Variants in JKAMP observed in about 807,000 individuals in gnomAD.
The protein encoded by JKAMP is JNK1/MAPK8 associated membrane protein.
JKAMP carries 20 observed loss-of-function variants against 40.2 expected under a neutral mutation model. The ratio of observed to expected loss-of-function variants is 0.50; its 90% CI spans 0.35 to 0.72. The LOEUF is 0.72. Among genes scored for constraint, JKAMP ranks in the 30% least tolerant of loss-of-function variants. JKAMP has a pLI of 0.01. For synonymous variants in JKAMP, 138 were observed against 131.6 expected (o/e 1.05, Z -0.33); for missense variants, 276 against 373.0 (o/e 0.74, Z 2.14).
chr14:59,495,012 C>G lies in JKAMP; in HGVS notation c.252-6C>G, dbSNP rs1891334316. The G allele has an allele frequency of 6.2e-7, 1 of 1,609,542 alleles. No individual in the cohort carries two copies. The highest frequency in any genetic ancestry group is 8.5e-7 in the Non-Finnish European group (1 of 1,176,244). Reference sequence around the variant, plus strand: ...TCTAGTAATCATGCCTCTTTTCCTTCTCTAGTTCCAGCGCACTTTTCCAAC... The same window carrying G: ...TCTAGTAATCATGCCTCTTTTCCTTGTCTAGTTCCAGCGCACTTTTCCAAC... On this transcript the variant is annotated splice_region_variant and splice_polypyrimidine_tract_variant and intron_variant, in intron 3 of 6. Coordinates refer to ENST00000616435, the MANE Select transcript of JKAMP (RefSeq NM_016475.5).
intron 3 of JKAMP, among the ~76,000 whole-genome samples, chr14:59,490,301 G>C (rs1435985096): frequency 6.6e-6 from 1 of 152,174 alleles, no homozygotes; most frequent in Admixed American, 6.5e-5. Flanking sequence ...ACAGCTCCAA[G>C]TCATTCATGA....
Position 59,505,242 on chromosome 14 carries a change from C to A in JKAMP, c.*1170C>A. 1 of 1,474,074 alleles carries A rather than the reference C, an allele frequency of 6.8e-7. No individual in the cohort carries two copies. The highest frequency in any genetic ancestry group is 9.1e-7 in the Non-Finnish European group (1 of 1,100,506). 91.3% of individuals were successfully genotyped at this position (1,474,074 alleles called of 1,614,324 possible). A position where few individuals can be genotyped will look rare whatever the true frequency, so the allele number is the denominator to read the frequency against. ...TCACAGCAGTTGTATCCTTGAGTTA[C>A]TTTGTTAATGTATTTTTCTCAGTAC... On this transcript the variant is annotated 3_prime_UTR_variant, in exon 7 of 7. Coordinates refer to ENST00000616435, the MANE Select transcript of JKAMP (RefSeq NM_016475.5).
In JKAMP at chr14:59,492,861, G is replaced by A. The variant is rs535166670; in HGVS notation, c.252-2157G>A. ...TGCCCAGGCTGGAGTGCGGTGGTGC[G>A]ACCTCGGCTCACTGCAAGCTTCGCC... On this transcript the variant is annotated intron_variant, in intron 3 of 6. Coordinates refer to ENST00000616435, the MANE Select transcript of JKAMP (RefSeq NM_016475.5). Among the ~76,000 whole-genome samples, 27 of 148,340 alleles carry A rather than the reference G, an allele frequency of 1.8e-4. 1 individual carries two copies. The East Asian group carries it at 2.2e-3, about 12-fold the overall frequency.
chr14:59,501,578 G>C (rs1474944), intron 6 of JKAMP, among the ~76,000 whole-genome samples: 2,383 of 152,174 alleles, frequency 0.016, 65 homozygotes, highest in African/African-American at 0.054. Flanking sequence ...CTTATTAACA[G>C]TATTTTGAGA....
chr14:59,485,056 C>T, intron 1 of JKAMP: 1 of 1,598,360 alleles, frequency 6.3e-7, no homozygotes, highest in Non-Finnish European at 8.5e-7. Context: ...CTTTAGCCAT[C>T]GTTCGCTAAA....
chr14:59,501,422 T>C (rs1891872845), intron 6 of JKAMP, among the ~76,000 whole-genome samples, 155 bp downstream of exon 6: 1 of 152,236 alleles, frequency 6.6e-6, no homozygotes, highest in Admixed American at 6.5e-5. Flanking sequence ...GTTAACTTTA[T>C]GAAAAGTTGT....
chr14:59,487,029 C>T (rs1890633835), intron 2 of JKAMP, among the ~76,000 whole-genome samples: 1 of 151,950 alleles, frequency 6.6e-6, no homozygotes, highest in Non-Finnish European at 1.5e-5. Context: ...GGTGAAACCC[C>T]ATCTCTGCTA....
At chr14:59,494,976 A>C in intron 3 of JKAMP, 42 bp from the exon 4 acceptor site, 3 of 1,387,336 alleles carry the variant, frequency 2.2e-6, no homozygotes, top group Non-Finnish European at 3.1e-6. Flanking sequence ...CCATTTAAAT[A>C]TTGCAATTTT....
rs1892260712 is a variant in JKAMP at position 59,505,196 on chromosome 14, G to A, written c.*1124G>A. 1.9e-6 allele frequency: 2 copies of A among 1,050,178 alleles called. No individual in the cohort carries two copies. Among genetic ancestry groups the A allele is most frequent in the Admixed American group, 5.2e-5 (2 of 38,450 alleles). The allele number at this position is 1,050,178 out of a possible 1,614,324, so 65.1% of individuals were successfully genotyped here. A position where few individuals can be genotyped will look rare whatever the true frequency, so the allele number is the denominator to read the frequency against. ...GAAAGTAAGTGCACTCACTTTTCCTGTAGTAGTCTGTCTTTTGAATTCACA... is the reference window on the plus strand; with the variant it reads ...GAAAGTAAGTGCACTCACTTTTCCTATAGTAGTCTGTCTTTTGAATTCACA... On this transcript the variant is annotated 3_prime_UTR_variant, in exon 7 of 7. Transcript: ENST00000616435.
rs371203682 is a variant in JKAMP at position 59,490,729 on chromosome 14, T to C, written c.251+2901T>C. Among the ~76,000 whole-genome samples, 20 of 152,328 alleles carry C rather than the reference T, an allele frequency of 1.3e-4. 2 individuals carry two copies. The highest frequency in any genetic ancestry group is 8.5e-4 in the Admixed American group (13 of 15,302). ...TTTAAAAATAGCAGCTTTCATCCAG[T>C]TTTTAATTTCTGTTATATTAATAGA... On this transcript the variant is annotated intron_variant, in intron 3 of 6. Transcript: ENST00000616435.
At chr14:59,489,750 C>A (rs1049472165) in intron 3 of JKAMP, among the ~76,000 whole-genome samples, 6 of 152,032 alleles carry the variant, frequency 3.9e-5, no homozygotes, top group Non-Finnish European at 8.8e-5. Context: ...GTACATGAAG[C>A]ATAGTACTGG....
Position 59,486,775 on chromosome 14 carries a change from G to A in JKAMP, c.67G>A (p.Gly23Ser). ...TGGGAAGACCCTATTATTTAAAAAT[G>A]GCTCAACTGAAATATATGGAGAATG... ...YCGKTLLFKN[G>S]STEIYGECGV... The change falls in exon 2 of 7, where the codon GGC becomes AGC. Residue 23 changes from glycine (G) to serine (S), a missense_variant. Physicochemically the swap from Gly to Ser is moderately conservative, Grantham distance 56. Transcript: ENST00000616435. 1 of 1,590,984 alleles carries A rather than the reference G, an allele frequency of 6.3e-7. No individual in the cohort carries two copies. The highest frequency in any genetic ancestry group is 8.6e-7 in the Non-Finnish European group (1 of 1,166,464).
intron 6 of JKAMP, among the ~76,000 whole-genome samples, chr14:59,502,711 A>C (rs1035619594): frequency 1.4e-5 from 2 of 144,788 alleles, no homozygotes; most frequent in African/African-American, 5.1e-5. Flanking sequence ...GATTTGAGGG[A>C]GAAAATAGTT....
At chr14:59,500,551 CTT>C (rs1165778360) in intron 5 of JKAMP, among the ~76,000 whole-genome samples, 3 of 152,144 alleles carry the variant, frequency 2.0e-5, no homozygotes, top group Non-Finnish European at 4.4e-5. Flanking sequence ...TGAATGATCT[CTT>C]TATCCTTTAA....
At chr14:59,502,760 T>TGTTTTGTTTTGTTTGG (rs760996086) in intron 6 of JKAMP, among the ~76,000 whole-genome samples, 1 of 130,112 alleles carries the variant, frequency 7.7e-6, no homozygotes, top group Non-Finnish European at 1.6e-5. Context: ...ATTTTTTTTT[T>TGTTTTGTTTTGTTTGG]TTTTTTTTTT....
intron 3 of JKAMP, among the ~76,000 whole-genome samples, chr14:59,489,605 TGGGTA>T (rs1397067094): frequency 6.6e-6 from 1 of 152,252 alleles, no homozygotes; most frequent in Non-Finnish European, 1.5e-5. Context: ...GCTCCAAAGC[TGGGTA>T]TCTTTATAGC....
At chr14:59,488,346 G>A (rs1024977124) in intron 3 of JKAMP, among the ~76,000 whole-genome samples, 1 of 152,146 alleles carries the variant, frequency 6.6e-6, no homozygotes, top group Admixed American at 6.5e-5. Context: ...GAGAAAACAA[G>A]TGTGTACATA....
rs1194162917 is a variant in JKAMP at position 59,503,896 on chromosome 14, C to G, written c.760C>G (p.Leu254Val). 1 of 1,613,130 alleles carries G rather than the reference C, an allele frequency of 6.2e-7. No individual in the cohort carries two copies. The highest frequency in any genetic ancestry group is 1.7e-5 in the Admixed American group (1 of 59,996). The change falls in exon 7 of 7, where the codon CTC becomes GTC. Residue 254 changes from leucine to valine, a missense_variant. Physicochemically the swap from Leu to Val is conservative, Grantham distance 32. Transcript: ENST00000616435. Reference protein sequence around the residue: ...LLVRKKRLIVLFSHWLLHAYG... With the variant: ...LLVRKKRLIVVFSHWLLHAYG... ...GGTCAGAAAGAAAAGACTTATTGTTCTCTTCAGCCACTGGTTACTTCATGC... is the reference window on the plus strand; with the variant it reads ...GGTCAGAAAGAAAAGACTTATTGTTGTCTTCAGCCACTGGTTACTTCATGC...
chr14:59,492,184 T>G (rs1045408745), intron 3 of JKAMP, among the ~76,000 whole-genome samples: 2 of 151,930 alleles, frequency 1.3e-5, no homozygotes, highest in Non-Finnish European at 2.9e-5. Context: ...AATAAGATTA[T>G]TAGGAATAAA....
Sources: allele counts gnomAD v4.1 joint callset (sites outside exome capture counted in the v4.1 genomes callset), GRCh38; gene constraint gnomAD v4.1.1; transcripts MANE v1.5; gene names NCBI Gene and HGNC (gene_info 2026-07-23, HGNC 2026-07-21).